Variants in TMTC2 observed in about 807,000 individuals in gnomAD.
TMTC2 encodes transmembrane O-mannosyltransferase targeting cadherins 2.
A neutral mutation model predicts 82.4 loss-of-function variants in TMTC2; 43 were observed. That is an observed-to-expected ratio of 0.52 (90% CI 0.41 to 0.67). The LOEUF (loss-of-function observed/expected upper bound fraction) is 0.67. Ranked by LOEUF, TMTC2 falls within the 30% of genes least tolerant of loss-of-function variation. TMTC2 has a pLI of 0.00. For missense variants in TMTC2, 919 were observed against 1,012.4 expected (o/e 0.91, Z 1.25); for synonymous variants, 408 against 381.9 (o/e 1.07, Z -0.80).
intron 3 of TMTC2, among the ~76,000 whole-genome samples, chr12:82,899,418 C>T (rs1873847191): frequency 6.6e-6 from 1 of 151,652 alleles, no homozygotes; most frequent in African/African-American, 2.4e-5. Context: ...ATCCTCTCTG[C>T]TCTGTTTGTA....
chr12:83,116,597 C>G (rs746652589), intron 11 of TMTC2, among the ~76,000 whole-genome samples: 14 of 152,260 alleles, frequency 9.2e-5, no homozygotes, highest in Non-Finnish European at 1.8e-4. Flanking sequence ...ATGCCAACAT[C>G]TACTATTTTG....
rs138208910 is a variant in TMTC2 at position 82,846,373 on chromosome 12, G to A, written c.84-10637G>A. 4.4e-3 allele frequency among the ~76,000 whole-genome samples: 675 copies of A among 151,876 alleles called. 9 individuals are homozygous for A. The highest frequency in any genetic ancestry group is 0.015 in the African/African-American group (640 of 41,386). On this transcript the variant is annotated intron_variant, in intron 1 of 11. Transcript: ENST00000321196. ...ACTCTGTCTTTTTTTTAAAAAAAAC[G>A]AAAAACAGGAAAGATTGTCTAGGTA...
chr12:83,066,649 G>A (rs780735804), intron 11 of TMTC2, among the ~76,000 whole-genome samples: 9 of 151,848 alleles, frequency 5.9e-5, no homozygotes, highest in Non-Finnish European at 1.2e-4. Context: ...TAGGCATAAG[G>A]TAGTGAAACT....
chr12:82,989,856 AC>A (rs1357055847), intron 8 of TMTC2, among the ~76,000 whole-genome samples: 1 of 151,854 alleles, frequency 6.6e-6, no homozygotes, highest in Non-Finnish European at 1.5e-5. Flanking sequence ...CCCCACCAAG[AC>A]TTTTATAGTT....
intron 1 of TMTC2, among the ~76,000 whole-genome samples, chr12:82,769,917 T>C (rs916738682): frequency 6.6e-6 from 1 of 152,222 alleles, no homozygotes; most frequent in Non-Finnish European, 1.5e-5. Flanking sequence ...GCCAAGACAC[T>C]TATTTTTTAT....
intron 1 of TMTC2, among the ~76,000 whole-genome samples, chr12:82,697,019 A>G (rs558063132): frequency 2.1e-4 from 31 of 148,790 alleles, no homozygotes; most frequent in African/African-American, 3.7e-4. Flanking sequence ...CCTAACTTCA[A>G]CCTCTGTGGG....
chr12:82,964,742 G>A (rs1364274125), intron 4 of TMTC2, among the ~76,000 whole-genome samples: 1 of 152,104 alleles, frequency 6.6e-6, no homozygotes, highest in African/African-American at 2.4e-5. Flanking sequence ...TCTAGTGGGA[G>A]AGAAAAGACA....
intron 1 of TMTC2, among the ~76,000 whole-genome samples, chr12:82,827,591 A>G (rs370772502): frequency 1.3e-5 from 2 of 152,204 alleles, no homozygotes; most frequent in Non-Finnish European, 2.9e-5. Flanking sequence ...GAAGCTTCTT[A>G]TGGGCCAGGA....
At chr12:83,116,026 T>C (rs1405680185) in intron 11 of TMTC2, among the ~76,000 whole-genome samples, 1 of 152,160 alleles carries the variant, frequency 6.6e-6, no homozygotes, top group Non-Finnish European at 1.5e-5. Context: ...GACCTCGTGA[T>C]GTGCCTGCCT....
intron 11 of TMTC2, among the ~76,000 whole-genome samples, chr12:83,119,179 A>G (rs1211123977): frequency 6.6e-6 from 1 of 151,614 alleles, no homozygotes; most frequent in South Asian, 2.1e-4. Context: ...TGTTTCTTCT[A>G]CTGGGTTTCG....
At chr12:82,723,465 G>C (rs141616056) in intron 1 of TMTC2, among the ~76,000 whole-genome samples, 2 of 152,256 alleles carry the variant, frequency 1.3e-5, no homozygotes, top group African/African-American at 4.8e-5. Flanking sequence ...GATTTTTTTG[G>C]ATTTTGGAAT....
At chr12:83,059,572 T>A (rs2137469688) in intron 10 of TMTC2, among the ~76,000 whole-genome samples, 1 of 151,880 alleles carries the variant, frequency 6.6e-6, no homozygotes, top group African/African-American at 2.4e-5. Flanking sequence ...TGGGGTTTTT[T>A]TCCCACCTCA....
At chr12:82,713,928 A>C (rs183303000) in intron 1 of TMTC2, among the ~76,000 whole-genome samples, 90 of 152,346 alleles carry the variant, frequency 5.9e-4, no homozygotes, top group African/African-American at 2.1e-3. Context: ...TACTTAATTC[A>C]TTTATTGTGC....
At chr12:82,941,025 A>G (rs917738296) in intron 4 of TMTC2, among the ~76,000 whole-genome samples, 1 of 152,182 alleles carries the variant, frequency 6.6e-6, no homozygotes, top group African/African-American at 2.4e-5. Flanking sequence ...ACAAGGTATC[A>G]CAAAATACCA....
At chr12:83,028,050 A>AT (rs1177195377) in intron 8 of TMTC2, among the ~76,000 whole-genome samples, 4 of 151,978 alleles carry the variant, frequency 2.6e-5, no homozygotes, top group African/African-American at 9.7e-5. Flanking sequence ...TTAAAGTATC[A>AT]TTTTTTGCAA....
intron 4 of TMTC2, among the ~76,000 whole-genome samples, chr12:82,955,662 T>G (rs903909253): frequency 1.4e-4 from 21 of 152,170 alleles, no homozygotes. Flanking sequence ...TTTCTAGAAT[T>G]TAGGTCTTAG....
At chr12:82,912,790 T>A (rs1874755406) in intron 3 of TMTC2, among the ~76,000 whole-genome samples, 1 of 151,958 alleles carries the variant, frequency 6.6e-6, no homozygotes, top group African/African-American at 2.4e-5. Flanking sequence ...ATTCAAAAAA[T>A]AGCTGAGTGT....
At chr12:83,101,872 G>T (rs555813448) in intron 11 of TMTC2, among the ~76,000 whole-genome samples, 1 of 152,308 alleles carries the variant, frequency 6.6e-6, no homozygotes, top group African/African-American at 2.4e-5. Flanking sequence ...GATAGAGGAA[G>T]ATCTAGGGGC....
At chr12:82,995,386 G>C (rs180850560) in intron 8 of TMTC2, among the ~76,000 whole-genome samples, 62 of 152,090 alleles carry the variant, frequency 4.1e-4, no homozygotes, top group African/African-American at 1.4e-3. Flanking sequence ...GTTCTAAGAT[G>C]TGAAGGTCTT....
Sources: allele counts gnomAD v4.1 joint callset (sites outside exome capture counted in the v4.1 genomes callset), GRCh38; gene constraint gnomAD v4.1.1; transcripts MANE v1.5; gene names NCBI Gene and HGNC (gene_info 2026-07-23, HGNC 2026-07-21).